TNKS: variants seen among roughly 807,000 people sequenced by gnomAD.
The protein encoded by TNKS is tankyrase.
Under a neutral mutation model 135.8 loss-of-function variants are expected in TNKS, and 72 were observed. The ratio of observed to expected loss-of-function variants is 0.53; its 90% CI spans 0.44 to 0.64. The LOEUF is 0.64. Among genes scored for constraint, TNKS ranks in the 30% least tolerant of loss-of-function variants. The pLI is 0.00. For missense variants in TNKS, 1,769 were observed against 1,674.0 expected (o/e 1.06, Z -0.99); for synonymous variants, 849 against 649.3 (o/e 1.31, Z -4.68).
At chr8:9,696,217 T>C (rs1803508635) in intron 5 of TNKS, among the ~76,000 whole-genome samples, 1 of 152,096 alleles carries the variant, frequency 6.6e-6, no homozygotes. Flanking sequence ...GGACAGACTT[T>C]TGGAGTACTC....
chr8:9,749,047 G>A (rs73533212), intron 18 of TNKS, among the ~76,000 whole-genome samples: 174 of 152,336 alleles, frequency 1.1e-3, no homozygotes, highest in African/African-American at 3.9e-3. Context: ...GGAGAAAGCA[G>A]AGGCTGTCAT....
intron 17 of TNKS, among the ~76,000 whole-genome samples, chr8:9,745,212 T>G (rs1383841221): frequency 6.6e-6 from 1 of 152,210 alleles, no homozygotes; most frequent in East Asian, 1.9e-4. Context: ...TGGTTTTGTT[T>G]TAGGTGATTT....
rs746022790 is a variant in TNKS at position 9,615,628 on chromosome 8, G to A, written c.945G>A (p.Gly315=). 2.5e-6 allele frequency: 4 copies of A among 1,613,576 alleles called. No individual in the cohort carries two copies. Among genetic ancestry groups the A allele is most frequent in the Non-Finnish European group, 3.4e-6 (4 of 1,179,858 alleles). ...GADPNIRNTD[G]KSALDLADPS... is the part of the protein sequence containing the mutation. ...ACCCAAACATTCGGAACACTGATGGGAAATCAGCCCTGGACCTGGCAGATC... is the reference window on the plus strand; with the variant it reads ...ACCCAAACATTCGGAACACTGATGGAAAATCAGCCCTGGACCTGGCAGATC... Residue 315 remains glycine (G), a synonymous_variant, in exon 3 of 27, where the codon GGG becomes GGA. Transcript: ENST00000310430.
chr8:9,559,213 G>C (rs1585164942), intron 1 of TNKS, among the ~76,000 whole-genome samples: 1 of 152,090 alleles, frequency 6.6e-6, no homozygotes, highest in Non-Finnish European at 1.5e-5. Context: ...GTCTAATCTA[G>C]AGTGATAGGA....
Position 9,779,086 on chromosome 8 carries a change from A to G in TNKS, c.*2350A>G, listed in dbSNP as rs894608238. The G allele has an allele frequency of 1.3e-5, 2 of 152,604 alleles. No individual in the cohort carries two copies. The highest frequency in any genetic ancestry group is 4.8e-5 in the African/African-American group (2 of 41,470). 9.5% of individuals were successfully genotyped at this position (152,604 alleles called of 1,614,324 possible). ...CATTTGCGGTGCTTCTTGTCCTATAATGATTCAAGTATATAGTAGTTCTTG... is the reference window on the plus strand; with the variant it reads ...CATTTGCGGTGCTTCTTGTCCTATAGTGATTCAAGTATATAGTAGTTCTTG... On this transcript the variant is annotated 3_prime_UTR_variant, in exon 27 of 27. Transcript: ENST00000310430.
At chr8:9,663,120 C>A (rs375470708) in intron 3 of TNKS, among the ~76,000 whole-genome samples, 5 of 152,170 alleles carry the variant, frequency 3.3e-5, no homozygotes, top group African/African-American at 1.2e-4. Context: ...GCTTTGGAAG[C>A]TGAAAAAGAC....
At chr8:9,767,455 T>G (rs1807523931) in intron 25 of TNKS, among the ~76,000 whole-genome samples, 1 of 152,240 alleles carries the variant, frequency 6.6e-6, no homozygotes, top group Non-Finnish European at 1.5e-5. Context: ...CTTTGTAATT[T>G]GGTTAAGACC....
chr8:9,772,336 T>C (rs1807955083), intron 26 of TNKS: 2 of 452,570 alleles, frequency 4.4e-6, no homozygotes, highest in African/African-American at 2.0e-5. Context: ...ACATCACCAA[T>C]GAGGGACAGA....
At chr8:9,627,708 A>G (rs768255074) in intron 3 of TNKS, among the ~76,000 whole-genome samples, 2 of 152,128 alleles carry the variant, frequency 1.3e-5, no homozygotes, top group Non-Finnish European at 2.9e-5. Context: ...TGTTTGGCCT[A>G]TTTTGTTGCC....
intron 11 of TNKS, 45 bp from the exon 12 acceptor site, chr8:9,720,329 T>G (rs1478021724): frequency 6.7e-7 from 1 of 1,496,800 alleles, no homozygotes; most frequent in African/African-American, 1.4e-5. Flanking sequence ...AAAAGGAAAC[T>G]AAACAAGATG....
intron 3 of TNKS, among the ~76,000 whole-genome samples, chr8:9,666,215 G>A (rs867832272): frequency 2.0e-5 from 3 of 152,152 alleles, no homozygotes; most frequent in Non-Finnish European, 4.4e-5. Flanking sequence ...GCTGCCACAC[G>A]TTGAAATGGT....
Position 9,680,073 on chromosome 8 carries a change from C to T in TNKS, c.1031+86C>T, listed in dbSNP as rs80001068. 2,832 of 987,184 alleles carry T rather than the reference C, an allele frequency of 2.9e-3. 56 individuals carry two copies. The African/African-American group carries it at 0.038, about 13-fold the overall frequency. 61.2% of individuals were successfully genotyped at this position (987,184 alleles called of 1,614,324 possible). A position where few individuals can be genotyped will look rare whatever the true frequency, so the allele number is the denominator to read the frequency against. ...AGGTGGAGGACTATAAAAAATATAA[C>T]GTTATTGTCTTGCTTGGATTTTATG... On this transcript the variant is annotated intron_variant, in intron 4 of 26. Transcript: ENST00000310430.
intron 20 of TNKS, among the ~76,000 whole-genome samples, chr8:9,755,279 G>A (rs999243862): frequency 6.6e-6 from 1 of 152,116 alleles, no homozygotes; most frequent in Non-Finnish European, 1.5e-5. Flanking sequence ...CTGACAGCTT[G>A]TCCTGGTTTC....
intron 3 of TNKS, among the ~76,000 whole-genome samples, chr8:9,629,660 C>T (rs942248646): frequency 1.3e-5 from 2 of 152,138 alleles, no homozygotes; most frequent in African/African-American, 2.4e-5. Context: ...TGCTTAACTA[C>T]TTTCTCTTTT....
At chr8:9,704,235 C>T (rs996191462) in intron 5 of TNKS, among the ~76,000 whole-genome samples, 1 of 151,978 alleles carries the variant, frequency 6.6e-6, no homozygotes, top group Non-Finnish European at 1.5e-5. Context: ...AGAGCTAGAT[C>T]TTTAGATAAA....
At chr8:9,638,313 C>T (rs1475944907) in intron 3 of TNKS, among the ~76,000 whole-genome samples, 1 of 152,214 alleles carries the variant, frequency 6.6e-6, no homozygotes, top group Non-Finnish European at 1.5e-5. Flanking sequence ...TTAATCATGG[C>T]TTCCATGTCA....
chr8:9,766,719 C>T (rs1028304118), intron 25 of TNKS, among the ~76,000 whole-genome samples: 2 of 152,112 alleles, frequency 1.3e-5, no homozygotes, highest in African/African-American at 2.4e-5. Flanking sequence ...CTCCTGATCT[C>T]ATGATCTGCC....
Position 9,778,717 on chromosome 8 carries a change from G to A in TNKS, c.*1981G>A, listed in dbSNP as rs116235840. 1.1e-3 allele frequency: 167 copies of A among 152,598 alleles called. No homozygotes were observed. Among genetic ancestry groups the A allele is most frequent in the African/African-American group, 3.9e-3 (162 of 41,548 alleles). 9.5% of individuals were successfully genotyped at this position (152,598 alleles called of 1,614,324 possible). On this transcript the variant is annotated 3_prime_UTR_variant, in exon 27 of 27. Transcript: ENST00000310430. ...TTCCTTCTCTTTTGCTGTAACAAAG[G>A]GTTGAAGAAATTGCCATCTGTGTAG...
chr8:9,585,414 G>T (rs577437694), intron 2 of TNKS, among the ~76,000 whole-genome samples: 114 of 152,146 alleles, frequency 7.5e-4, no homozygotes, highest in African/African-American at 2.5e-3. Context: ...ATAAGAAAGA[G>T]AAACCTATCT....
Sources: gnomAD v4.1 joint callset for allele counts (sites outside exome capture counted in the v4.1 genomes callset) on GRCh38, gnomAD v4.1.1 for gene constraint, MANE v1.5 for transcripts, NCBI Gene and HGNC (gene_info 2026-07-23, HGNC 2026-07-21) for gene names.